Variants in SNX18 observed in about 807,000 individuals in gnomAD.
The protein encoded by SNX18 is sorting nexin-18.
SNX18 carries 35 observed loss-of-function variants against 48.7 expected under a neutral mutation model. That is an observed-to-expected ratio of 0.72 (90% CI 0.55 to 0.95). The LOEUF is 0.95. SNX18 is among the 40% of genes least tolerant of loss of function. The pLI is 0.00. For missense variants in SNX18, 824 were observed against 871.0 expected, an observed-to-expected ratio of 0.95 and a Z score of 0.68; for synonymous variants, 492 against 384.7, an observed-to-expected ratio of 1.28 and a Z score of -3.26.
chr5:54,547,389 T>A (rs1433722390), downstream of SNX18, among the ~76,000 whole-genome samples: 1 of 152,256 alleles, frequency 6.6e-6, no homozygotes, highest in Non-Finnish European at 1.5e-5. Flanking sequence ...ATGATGGAGC[T>A]GAGATTCAAA....
At chr5:54,584,511 T>A in the SNX18 span, among the ~76,000 whole-genome samples, 10 of 152,168 alleles carry the variant, frequency 6.6e-5, no homozygotes, top group South Asian at 2.1e-3. Context: ...AACGTTTCAA[T>A]CAGGTATTTG....
the SNX18 span, among the ~76,000 whole-genome samples, chr5:54,583,757 A>C: frequency 4.6e-5 from 7 of 152,254 alleles, no homozygotes; most frequent in Non-Finnish European, 1.0e-4. Flanking sequence ...TTCCCAGATT[A>C]GGAAATTCAT....
chr5:54,525,145 G>A (rs1356611190), intron 1 of SNX18, among the ~76,000 whole-genome samples: 2 of 152,230 alleles, frequency 1.3e-5, no homozygotes, highest in East Asian at 3.8e-4. Flanking sequence ...CTTTGGCCAA[G>A]TGGGGGCACT....
the SNX18 span, among the ~76,000 whole-genome samples, chr5:54,561,504 A>ATTTTTTTTTTTTT: frequency 2.9e-4 from 38 of 133,012 alleles, 1 homozygote; most frequent in African/African-American, 1.0e-3. Flanking sequence ...CGCCCAGCTA[A>ATTTTTTTTTTTTT]TTTTTTTTTT....
chr5:54,550,450 C>G (rs568075959), downstream of SNX18, among the ~76,000 whole-genome samples: 1 of 151,780 alleles, frequency 6.6e-6, no homozygotes, highest in South Asian at 2.1e-4. Flanking sequence ...TTAAAAAAAA[C>G]AAGATGAGGA....
the SNX18 span, among the ~76,000 whole-genome samples, chr5:54,634,755 A>C: frequency 3.0e-4 from 46 of 152,334 alleles, no homozygotes; most frequent in Non-Finnish European, 5.3e-4. Context: ...CAAATTAAAA[A>C]AAAATTCATG....
the SNX18 span, among the ~76,000 whole-genome samples, chr5:54,577,096 C>T: frequency 2.0e-5 from 3 of 152,074 alleles, no homozygotes; most frequent in African/African-American, 4.8e-5. Flanking sequence ...CCACCGTGCC[C>T]GGCCATAAGT....
the SNX18 span, among the ~76,000 whole-genome samples, chr5:54,589,748 A>C: frequency 6.6e-6 from 1 of 152,202 alleles, no homozygotes; most frequent in Non-Finnish European, 1.5e-5. Context: ...GGAAATGCCC[A>C]GTCAATGGAT....
intron 1 of SNX18, among the ~76,000 whole-genome samples, chr5:54,529,445 A>G (rs1033438251): frequency 1.6e-4 from 24 of 152,162 alleles, no homozygotes; most frequent in African/African-American, 5.8e-4. Context: ...ATAAGTCCCT[A>G]CATAATAACC....
intron 1 of SNX18, among the ~76,000 whole-genome samples, chr5:54,527,769 A>G (rs1243824818): frequency 6.6e-6 from 1 of 152,200 alleles, no homozygotes; most frequent in African/African-American, 2.4e-5. Flanking sequence ...ACTGTTTTAT[A>G]CATGCATAGC....
the SNX18 span, among the ~76,000 whole-genome samples, chr5:54,630,976 A>G: frequency 6.6e-6 from 1 of 152,218 alleles, no homozygotes; most frequent in Non-Finnish European, 1.5e-5. Flanking sequence ...CCAGGTTTTC[A>G]AGCCTCTCTT....
chr5:54,606,758 C>A, the SNX18 span, among the ~76,000 whole-genome samples: 1 of 152,172 alleles, frequency 6.6e-6, no homozygotes, highest in African/African-American at 2.4e-5. Flanking sequence ...ATATCACAAC[C>A]AGGAGATTGA....
chr5:54,528,456 T>C (rs1191481270), intron 1 of SNX18, among the ~76,000 whole-genome samples: 2 of 152,184 alleles, frequency 1.3e-5, no homozygotes, highest in Non-Finnish European at 2.9e-5. Flanking sequence ...ATTGTCAGTT[T>C]GTGTTAGAGG....
At chr5:54,585,267 G>A in the SNX18 span, among the ~76,000 whole-genome samples, 3 of 150,998 alleles carry the variant, frequency 2.0e-5, no homozygotes, top group Non-Finnish European at 4.4e-5. Context: ...ACTCCAGCCT[G>A]GGTGACAGAG....
At chr5:54,605,479 G>C in the SNX18 span, among the ~76,000 whole-genome samples, 1 of 152,000 alleles carries the variant, frequency 6.6e-6, no homozygotes, top group African/African-American at 2.4e-5. Context: ...TCATCTTCTT[G>C]GAGTAAATTT....
the SNX18 span, among the ~76,000 whole-genome samples, chr5:54,628,999 A>C: frequency 6.6e-6 from 1 of 152,204 alleles, no homozygotes; most frequent in Non-Finnish European, 1.5e-5. Flanking sequence ...CCTACACCGG[A>C]AAGTCCTTCA....
At chr5:54,537,181 A>G (rs1361281420) in intron 1 of SNX18, among the ~76,000 whole-genome samples, 1 of 152,160 alleles carries the variant, frequency 6.6e-6, no homozygotes, top group Non-Finnish European at 1.5e-5. Context: ...TAAATTAAAT[A>G]AAGAGAGAGA....
At chr5:54,582,150 C>G in the SNX18 span, among the ~76,000 whole-genome samples, 1 of 152,246 alleles carries the variant, frequency 6.6e-6, no homozygotes, top group African/African-American at 2.4e-5. Context: ...GGGTAAAACT[C>G]TGTTTTCCTT....
the SNX18 span, among the ~76,000 whole-genome samples, chr5:54,590,224 T>C: frequency 6.6e-6 from 1 of 152,244 alleles, no homozygotes; most frequent in Non-Finnish European, 1.5e-5. Flanking sequence ...TTCCCTCTGA[T>C]GCTGGCTAGT....
Sources: allele counts gnomAD v4.1 joint callset (sites outside exome capture counted in the v4.1 genomes callset), GRCh38; gene constraint gnomAD v4.1.1; transcripts MANE v1.5; gene names NCBI Gene and HGNC (gene_info 2026-07-23, HGNC 2026-07-21).